The following RCAN2 variants were observed in gnomAD, a reference collection of about 807,000 sequenced individuals.
RCAN2 encodes regulator of calcineurin 2.
Under a neutral mutation model 23.6 loss-of-function variants are expected in RCAN2, and 9 were observed. The ratio of observed to expected loss-of-function variants is 0.38; its 90% confidence interval spans 0.23 to 0.67. RCAN2 has a LOEUF of 0.67. RCAN2 is among the 30% of genes least tolerant of loss of function. The probability of loss-of-function intolerance (pLI) is 0.51; values close to 1 mark genes in which losing one functional copy is unlikely to be tolerated. For synonymous variants in RCAN2, 109 were observed against 115.7 expected, an observed-to-expected ratio of 0.94 and a Z score of 0.37; for missense variants, 273 against 302.3, an observed-to-expected ratio of 0.90 and a Z score of 0.72.
At chr6:46,280,704 A>G (rs1164683682) in intron 2 of RCAN2, among the ~76,000 whole-genome samples, 1 of 152,180 alleles carries the variant, frequency 6.6e-6, no homozygotes, top group East Asian at 1.9e-4. Context: ...CAGGGTAGAG[A>G]AGTTCATTCA....
At chr6:46,364,871 C>T (rs1035660553) in intron 2 of RCAN2, among the ~76,000 whole-genome samples, 1 of 152,174 alleles carries the variant, frequency 6.6e-6, no homozygotes, top group Non-Finnish European at 1.5e-5. Flanking sequence ...CACTTTGCAC[C>T]AGCCACACTG....
At chr6:46,448,680 A>T (rs1396072940) in intron 2 of RCAN2, among the ~76,000 whole-genome samples, 2 of 151,946 alleles carry the variant, frequency 1.3e-5, no homozygotes, top group Non-Finnish European at 2.9e-5. Context: ...CAAGAAATGC[A>T]AATCTGTAAA....
Position 46,309,643 on chromosome 6 carries a change from T to C in RCAN2, c.226-60747A>G, listed in dbSNP as rs1484430737. The stretch of plus-strand genomic sequence containing the variant: ...CTCATTCCACAGCATTATTTCTCAC[T>C]ACTCCCTGTGTATACCTGGAGTGGC... On this transcript the variant is annotated intron_variant, in intron 2 of 4. Coordinates refer to ENST00000371374, the MANE Select transcript of RCAN2 (RefSeq NM_001251974.2). Among the ~76,000 whole-genome samples, 2 of 152,176 alleles carry C rather than the reference T, an allele frequency of 1.3e-5. 1 individual carries two copies. Among genetic ancestry groups the C allele is most frequent in the Non-Finnish European group, 2.9e-5 (2 of 68,022 alleles).
intron 2 of RCAN2, among the ~76,000 whole-genome samples, chr6:46,263,627 T>C (rs1767218439): frequency 6.8e-6 from 1 of 146,948 alleles, no homozygotes; most frequent in Admixed American, 6.8e-5. Context: ...TGGATAGAAT[T>C]TGTGTATGTG....
At chr6:46,386,061 A>C (rs1765735697) in intron 2 of RCAN2, among the ~76,000 whole-genome samples, 1 of 152,120 alleles carries the variant, frequency 6.6e-6, no homozygotes, top group South Asian at 2.1e-4. Flanking sequence ...CAGCAAAAGA[A>C]ACTATCATCA....
At chr6:46,427,777 CA>C (rs1159825721) in intron 2 of RCAN2, among the ~76,000 whole-genome samples, 1 of 152,226 alleles carries the variant, frequency 6.6e-6, no homozygotes, top group Non-Finnish European at 1.5e-5. Context: ...ATAGACAATT[CA>C]AACTTTCAAG....
chr6:46,371,938 T>C (rs1218356519), intron 2 of RCAN2, among the ~76,000 whole-genome samples: 3 of 152,240 alleles, frequency 2.0e-5, no homozygotes, highest in Admixed American at 6.5e-5. Context: ...GTTGATCATT[T>C]GAATTTCATA....
chr6:46,309,757 C>A (rs1472174471), intron 2 of RCAN2, among the ~76,000 whole-genome samples: 4 of 152,106 alleles, frequency 2.6e-5, no homozygotes, highest in Non-Finnish European at 5.9e-5. Context: ...CCCAGTGATA[C>A]CAGCTCTACC....
rs1217123434 is a variant in RCAN2 at position 46,221,900 on chromosome 6, A to G, written c.*1241T>C. The G allele has an allele frequency of 1.0e-5, 4 of 398,406 alleles. No individual in the cohort carries two copies. The highest frequency in any genetic ancestry group is 2.5e-4 in the South Asian group (2 of 7,856). The allele number at this position is 398,406 out of a possible 1,614,324, so 24.7% of individuals were successfully genotyped here. A position where few individuals can be genotyped will look rare whatever the true frequency, so the allele number is the denominator to read the frequency against. Reference sequence around the variant, plus strand: ...TGGGCTAGAGAAATAGAAAAATCACACGTAACAAAAACAAATAACTTTTTT... The same window carrying G: ...TGGGCTAGAGAAATAGAAAAATCACGCGTAACAAAAACAAATAACTTTTTT... On this transcript the variant is annotated 3_prime_UTR_variant, in exon 5 of 5. Transcript: ENST00000371374.
At position 46,222,027 on chromosome 6, in the gene RCAN2, C is replaced by CA; in HGVS notation, c.*1113dup. 2.5e-6 allele frequency: 1 copy of CA among 398,500 alleles called. No individual in the cohort carries two copies. The highest frequency in any genetic ancestry group is 1.3e-4 in the South Asian group (1 of 7,844). The allele number at this position is 398,500 out of a possible 1,614,324, so 24.7% of individuals were successfully genotyped here. On this transcript the variant is annotated 3_prime_UTR_variant, in exon 5 of 5. Coordinates refer to ENST00000371374, the MANE Select transcript of RCAN2 (RefSeq NM_001251974.2). ...CTGCTGCATTCTGGGGATTTAGCTT[C>CA]ATCCCAATAATCTACAACTGACACT...
chr6:46,284,193 G>T (rs1443370835), intron 2 of RCAN2, among the ~76,000 whole-genome samples: 1 of 152,104 alleles, frequency 6.6e-6, no homozygotes, highest in Non-Finnish European at 1.5e-5. Flanking sequence ...TGCAAAATAT[G>T]GTGAAAGGTT....
At chr6:46,428,202 C>G (rs1423436579) in intron 2 of RCAN2, among the ~76,000 whole-genome samples, 1 of 152,142 alleles carries the variant, frequency 6.6e-6, no homozygotes, top group African/African-American at 2.4e-5. Flanking sequence ...TCTTTTGCAT[C>G]TAAGGGTACC....
intron 4 of RCAN2, among the ~76,000 whole-genome samples, chr6:46,224,030 T>A (rs1311559337): frequency 6.6e-6 from 1 of 152,230 alleles, no homozygotes. Flanking sequence ...AAGTGCACAG[T>A]CCAGTGGAGA....
At position 46,222,901 on chromosome 6, in the gene RCAN2, T is replaced by A; in HGVS notation, c.*240A>T. On this transcript the variant is annotated 3_prime_UTR_variant, in exon 5 of 5. Transcript: ENST00000371374. ...GATATAGGCTGTGCTGATTGTTTAA[T>A]AAGAAAATACTACTTTTTTCCCTAG... is the stretch of plus-strand genomic sequence containing the variant. 2.1e-6 allele frequency: 1 copy of A among 487,332 alleles called. No individual in the cohort carries two copies. 30.2% of individuals were successfully genotyped at this position (487,332 alleles called of 1,614,324 possible). A position where few individuals can be genotyped will look rare whatever the true frequency, so the allele number is the denominator to read the frequency against.
At chr6:46,246,565 A>T (rs976709036) in intron 4 of RCAN2, among the ~76,000 whole-genome samples, 183 bp downstream of exon 4, 6 of 152,174 alleles carry the variant, frequency 3.9e-5, no homozygotes, top group Non-Finnish European at 8.8e-5. Flanking sequence ...TTGCTTTTTG[A>T]ACGGGTGCAA....
intron 2 of RCAN2, among the ~76,000 whole-genome samples, chr6:46,273,716 A>G (rs1414651486): frequency 1.3e-5 from 2 of 152,238 alleles, no homozygotes; most frequent in Non-Finnish European, 2.9e-5. Context: ...TTCTCTTTAT[A>G]TAATGCAGAA....
At chr6:46,306,171 G>A (rs1284721820) in intron 2 of RCAN2, among the ~76,000 whole-genome samples, 1 of 152,116 alleles carries the variant, frequency 6.6e-6, no homozygotes, top group Non-Finnish European at 1.5e-5. Flanking sequence ...ATCTAAGGGG[G>A]CTGTATGGCT....
chr6:46,478,531 C>T (rs938447688), intron 1 of RCAN2, among the ~76,000 whole-genome samples: 2 of 152,134 alleles, frequency 1.3e-5, no homozygotes, highest in African/African-American at 4.8e-5. Context: ...TGGTTTCCTC[C>T]TTCTTCACTC....
chr6:46,288,343 C>T (rs1040714637), intron 2 of RCAN2, among the ~76,000 whole-genome samples: 1 of 152,198 alleles, frequency 6.6e-6, no homozygotes, highest in African/African-American at 2.4e-5. Flanking sequence ...GGATCCTTCC[C>T]GTTAAGGAAT....
Sources: gnomAD v4.1 joint callset for allele counts (sites outside exome capture counted in the v4.1 genomes callset) on GRCh38, gnomAD v4.1.1 for gene constraint, MANE v1.5 for transcripts, NCBI Gene and HGNC (gene_info 2026-07-23, HGNC 2026-07-21) for gene names.